The following RELCH variants were observed in gnomAD, a reference collection of about 807,000 sequenced individuals.
RELCH encodes the protein RAB11 binding and LisH domain, coiled-coil and HEAT repeat containing.
A neutral mutation model predicts 150.3 loss-of-function variants in RELCH; 41 were observed. That is an observed-to-expected ratio of 0.27 (90% CI 0.21 to 0.35). RELCH has a LOEUF of 0.35. RELCH is among the 10% of genes least tolerant of loss of function. The pLI is 1.00. For synonymous variants in RELCH, 478 were observed against 531.8 expected, an observed-to-expected ratio of 0.90 and a Z score of 1.39; for missense variants, 1,092 against 1,467.8, an observed-to-expected ratio of 0.74 and a Z score of 4.18.
intron 1 of RELCH, among the ~76,000 whole-genome samples, chr18:62,208,185 A>G (rs1054571466): frequency 6.6e-6 from 1 of 152,052 alleles, no homozygotes; most frequent in Non-Finnish European, 1.5e-5. Flanking sequence ...GGCCATTTCC[A>G]TATCTTCTTT....
At chr18:62,206,481 T>C (rs1057062835) in intron 1 of RELCH, among the ~76,000 whole-genome samples, 2 of 152,182 alleles carry the variant, frequency 1.3e-5, no homozygotes, top group Admixed American at 6.5e-5. Context: ...ACTAACTGTT[T>C]TAAAAGGTGA....
rs539838173 is a variant in RELCH, at chr18:62,287,381, T to C, written c.3284T>C (p.Leu1095Ser). Residue 1095 changes from leucine (L) to serine (S), a missense_variant, in exon 26 of 29, where the codon TTG becomes TCG. Around this residue, in one of 4 missense-constraint regions of RELCH, gnomAD observed 707 missense variants for 1,025.4 expected, o/e 0.69. Transcript: ENST00000644646. Reference sequence around the variant, plus strand: ...ATACCACATTTGCATAAGTTAGCCTTGGTGAACAACTTACAGATTGTGGAT... The same window carrying C: ...ATACCACATTTGCATAAGTTAGCCTCGGTGAACAACTTACAGATTGTGGAT... ...FVIPHLHKLA[L>S]VNNLQIVDSK... 14 of 1,607,928 alleles carry C rather than the reference T, an allele frequency of 8.7e-6. No individual in the cohort carries two copies. The South Asian group carries it at 1.3e-4, about 15-fold the overall frequency.
chr18:62,221,985 T>A (rs1225539626), intron 5 of RELCH, among the ~76,000 whole-genome samples: 2 of 152,012 alleles, frequency 1.3e-5, no homozygotes, highest in Admixed American at 1.3e-4. Flanking sequence ...TTTATTATTA[T>A]TTTCCTGATA....
intron 8 of RELCH, among the ~76,000 whole-genome samples, chr18:62,230,431 A>G (rs1463729782): frequency 6.6e-6 from 1 of 152,164 alleles, no homozygotes; most frequent in Non-Finnish European, 1.5e-5. Context: ...CTATAATCAT[A>G]GAAATTACTG....
At chr18:62,264,178 A>G (rs1335258302) in intron 17 of RELCH, 33 bp downstream of exon 17, 1 of 1,527,282 alleles carries the variant, frequency 6.5e-7, no homozygotes, top group African/African-American at 1.4e-5. Flanking sequence ...ATTTGAATAG[A>G]TGATAACTCT....
rs58842870 is a variant in RELCH, at chr18:62,229,485, GGTGTGTGTGT to G, written c.1448+914_1448+923del. ...CACAGCTTCTTCTGTGTATAGTAGG[GGTGTGTGTGT>G]GTGTGTGTGTGTGTGTGTGTGTGTG... On this transcript the variant is annotated intron_variant, in intron 8 of 28. Transcript: ENST00000644646. 1.5e-4 allele frequency among the ~76,000 whole-genome samples: 21 copies of G among 143,430 alleles called. No individual in the cohort carries two copies. The South Asian group carries it at 2.8e-3, about 19-fold the overall frequency. The allele number at this position is 143,430 out of a possible 152,430, so 94.1% of individuals were successfully genotyped here.
In RELCH at chr18:62,187,663, G is replaced by A. The variant is rs1352505712; in HGVS notation, c.158G>A (p.Gly53Asp). The change falls in exon 1 of 29, where the codon GGC (glycine) becomes GAC (aspartate). Residue 53 changes from glycine (G) to aspartate (D), a missense_variant. Physicochemically the swap from Gly to Asp is moderately conservative, Grantham distance 94. This residue lies in a region of RELCH where 138 missense variants were observed against 124.8 expected (regional missense o/e 1.11). Coordinates refer to ENST00000644646, the MANE Select transcript of RELCH (RefSeq NM_001346231.2). The part of the protein sequence containing the change: ...AGSGLDPGSA[G>D]SLSPQDPVAL... ...AGTGGCCTAGATCCTGGCTCTGCGG[G>A]CTCGCTGTCGCCACAGGATCCCGTG... 2 of 1,562,140 alleles carry A rather than the reference G, an allele frequency of 1.3e-6. No homozygotes were observed. Among genetic ancestry groups the A allele is most frequent in the Non-Finnish European group, 1.7e-6 (2 of 1,151,004 alleles).
intron 2 of RELCH, among the ~76,000 whole-genome samples, chr18:62,211,495 C>T (rs1181436450): frequency 2.0e-5 from 3 of 152,198 alleles, no homozygotes; most frequent in East Asian, 1.9e-4. Context: ...CAGTTTACAA[C>T]CACACAGTTG....
At chr18:62,253,069 T>C (rs973493536) in intron 12 of RELCH, among the ~76,000 whole-genome samples, 4 of 152,078 alleles carry the variant, frequency 2.6e-5, no homozygotes, top group Admixed American at 2.0e-4. Flanking sequence ...GTCTGCTATT[T>C]TGTAGTAATT....
At chr18:62,295,809 G>A (rs2045380673) in intron 27 of RELCH, among the ~76,000 whole-genome samples, 1 of 152,138 alleles carries the variant, frequency 6.6e-6, no homozygotes, top group African/African-American at 2.4e-5. Flanking sequence ...TTGGGTTCAA[G>A]CGATCCACCC....
intron 25 of RELCH, among the ~76,000 whole-genome samples, chr18:62,285,200 C>T (rs1327340265): frequency 2.0e-5 from 3 of 152,018 alleles, no homozygotes; most frequent in Non-Finnish European, 4.4e-5. Flanking sequence ...TACAGTGATG[C>T]CATCTCAGCT....
At chr18:62,192,563 T>C (rs9947152) in intron 1 of RELCH, among the ~76,000 whole-genome samples, 1,781 of 152,320 alleles carry the variant, frequency 0.012, 26 homozygotes, top group East Asian at 0.052. Context: ...TTAATTTTTG[T>C]ATAAGTTGTA....
intron 20 of RELCH, chr18:62,269,260 T>C (rs1315171232): frequency 3.9e-5 from 10 of 253,832 alleles, no homozygotes; most frequent in Non-Finnish European, 7.9e-5. Context: ...GCAGAACACA[T>C]ACGTTAGGTG....
Position 62,227,603 on chromosome 18 carries a change from C to T in RELCH, c.1068C>T (p.Ser356=), listed in dbSNP as rs1346516752. The change falls in exon 7 of 29, where the codon TCC becomes TCT. Residue 356 remains serine (S), a synonymous_variant. Coordinates refer to ENST00000644646, the MANE Select transcript of RELCH (RefSeq NM_001346231.2). ...TTCTCCTGTTTTGATTTTAGAACTCCATGTTAGTACAGAAATTAGAAGATA... is the reference window on the plus strand; with the variant it reads ...TTCTCCTGTTTTGATTTTAGAACTCTATGTTAGTACAGAAATTAGAAGATA... ...TLETPQPAEN[S]MLVQKLEDKI... The T allele has an allele frequency of 1.3e-6, 2 of 1,537,536 alleles. No individual in the cohort carries two copies. The highest frequency in any genetic ancestry group is 1.4e-5 in the African/African-American group (1 of 72,428).
At chr18:62,236,236 C>T (rs1218469320) in intron 10 of RELCH, among the ~76,000 whole-genome samples, 2 of 151,936 alleles carry the variant, frequency 1.3e-5, no homozygotes, top group Admixed American at 6.6e-5. Context: ...TTTCGTTCTA[C>T]TGTCATATGC....
chr18:62,190,437 C>G (rs543775170), intron 1 of RELCH, among the ~76,000 whole-genome samples: 95 of 151,932 alleles, frequency 6.3e-4, no homozygotes, highest in Non-Finnish European at 1.2e-3. Context: ...ATTAGCTAGG[C>G]GTGGTGGTGG....
At chr18:62,272,425 C>T (rs191210995) in intron 20 of RELCH, among the ~76,000 whole-genome samples, 3 of 151,994 alleles carry the variant, frequency 2.0e-5, no homozygotes, top group South Asian at 4.2e-4. Context: ...CATAATAGGC[C>T]CTCAGAATAG....
chr18:62,196,278 G>A (rs1273410385), intron 1 of RELCH, among the ~76,000 whole-genome samples: 1 of 152,088 alleles, frequency 6.6e-6, no homozygotes, highest in Non-Finnish European at 1.5e-5. Flanking sequence ...CGGCCAAACT[G>A]GAGTGCAGTG....
chr18:62,275,272 T>G, intron 21 of RELCH, 102 bp from the exon 22 acceptor site: 1 of 585,146 alleles, frequency 1.7e-6, no homozygotes, highest in Non-Finnish European at 2.9e-6. Flanking sequence ...GTTCTGCAAA[T>G]ATTATTATCA....
Sources: gnomAD v4.1 joint callset for allele counts (sites outside exome capture counted in the v4.1 genomes callset) on GRCh38, gnomAD v4.1.1 for gene constraint, gnomAD v4.1.1 regional missense constraint, MANE v1.5 for transcripts, NCBI Gene and HGNC (gene_info 2026-07-23, HGNC 2026-07-21) for gene names.